The following SERTM1 variants were observed in gnomAD, a reference collection of about 807,000 sequenced individuals.
SERTM1 encodes the protein serine rich and transmembrane domain containing 1.
Under a neutral mutation model 5.5 loss-of-function variants are expected in SERTM1, and 1 was observed. That is an observed-to-expected ratio of 0.18 (90% CI 0.06 to 0.86). The LOEUF (loss-of-function observed/expected upper bound fraction) is 0.86. Among genes scored for constraint, SERTM1 ranks in the 40% least tolerant of loss-of-function variants. The probability of loss-of-function intolerance (pLI) is 0.69; values close to 1 mark genes in which losing one functional copy is unlikely to be tolerated. For missense variants in SERTM1, 91 were observed against 122.4 expected (o/e 0.74, Z 1.21); for synonymous variants, 52 against 55.1 (o/e 0.94, Z 0.25).
intron 1 of SERTM1, among the ~76,000 whole-genome samples, chr13:36,685,386 T>A (rs2056733993): frequency 6.6e-6 from 1 of 152,180 alleles, no homozygotes; most frequent in Non-Finnish European, 1.5e-5. Flanking sequence ...GGTAGATGAG[T>A]AATTTTGCAG....
At chr13:36,684,277 A>G (rs2056726023) in intron 1 of SERTM1, among the ~76,000 whole-genome samples, 1 of 151,666 alleles carries the variant, frequency 6.6e-6, no homozygotes, top group African/African-American at 2.4e-5. Context: ...AGCCTGGGCG[A>G]CAGAGCGAGA....
intron 1 of SERTM1, among the ~76,000 whole-genome samples, chr13:36,690,034 G>C (rs1939076400): frequency 6.6e-6 from 1 of 152,022 alleles, no homozygotes; most frequent in Non-Finnish European, 1.5e-5. Flanking sequence ...ATCCACCAAA[G>C]TACTATGGAA....
At chr13:36,675,916 C>T (rs948863509) in intron 1 of SERTM1, among the ~76,000 whole-genome samples, 8 of 152,132 alleles carry the variant, frequency 5.3e-5, no homozygotes, top group Non-Finnish European at 4.4e-5. Flanking sequence ...ATTTTTGATT[C>T]CTCTATATAA....
intron 1 of SERTM1, 31 bp from the exon 2 acceptor site, chr13:36,694,875 A>T: frequency 1.9e-6 from 1 of 538,042 alleles, no homozygotes; most frequent in East Asian, 3.0e-5. Context: ...GATTTTTCTG[A>T]AGAATGCACT....
intron 1 of SERTM1, among the ~76,000 whole-genome samples, chr13:36,676,728 T>C (rs1478523658): frequency 6.6e-6 from 1 of 152,064 alleles, no homozygotes. Flanking sequence ...GAGGCTATTA[T>C]ATTATATTAG....
intron 1 of SERTM1, among the ~76,000 whole-genome samples, chr13:36,688,320 G>C (rs1273906134): frequency 2.0e-5 from 3 of 151,758 alleles, no homozygotes; most frequent in Non-Finnish European, 2.9e-5. Context: ...CTCAAGCAAT[G>C]CTCCCACCTC....
rs762940797 is a variant in SERTM1 at position 36,677,596 on chromosome 13, A to G, written c.-174+3412A>G. On this transcript the variant is annotated intron_variant, in intron 1 of 1. Coordinates refer to ENST00000315190, the MANE Select transcript of SERTM1 (RefSeq NM_203451.3). ...ATGGGAAGCAGAAGGATAGGTGGCT[A>G]TAAGAATCAGTTTCAAATTAAGAGA... Among the ~76,000 whole-genome samples, 5 of 152,238 alleles carry G rather than the reference A, an allele frequency of 3.3e-5. No homozygotes were observed. In the South Asian group the frequency reaches 6.2e-4, roughly 19 times the overall value.
In SERTM1 at chr13:36,687,723, T is replaced by A. The variant is rs546717156; in HGVS notation, c.-173-7183T>A. Reference sequence around the variant, plus strand: ...GAGTGAATAAAATATTTACTGCACATCCATTCTTATAAATTAAAAATACAC... The same window carrying A: ...GAGTGAATAAAATATTTACTGCACAACCATTCTTATAAATTAAAAATACAC... On this transcript the variant is annotated intron_variant, in intron 1 of 1. Transcript: ENST00000315190. Among the ~76,000 whole-genome samples the A allele has an allele frequency of 1.3e-3, 191 of 152,052 alleles. 1 individual carries two copies. The highest frequency in any genetic ancestry group is 1.6e-3 in the Non-Finnish European group (106 of 67,992).
chr13:36,687,564 T>TAA (rs1312664957), intron 1 of SERTM1, among the ~76,000 whole-genome samples: 1 of 152,210 alleles, frequency 6.6e-6, no homozygotes, highest in Non-Finnish European at 1.5e-5. Flanking sequence ...ATGGTTGTTA[T>TAA]TCCTTGTTGT....
chr13:36,683,276 A>G (rs115812446), intron 1 of SERTM1, among the ~76,000 whole-genome samples: 2 of 152,134 alleles, frequency 1.3e-5, no homozygotes, highest in Non-Finnish European at 2.9e-5. Context: ...TAAACCTAAC[A>G]CTTCTATGAA....
intron 1 of SERTM1, among the ~76,000 whole-genome samples, chr13:36,687,173 CAA>C (rs2056746683): frequency 1.3e-5 from 2 of 152,186 alleles, no homozygotes; most frequent in Non-Finnish European, 2.9e-5. Flanking sequence ...TTATGAGAAA[CAA>C]TGGTTCATTA....
intron 1 of SERTM1, among the ~76,000 whole-genome samples, chr13:36,684,110 C>T (rs2056724580): frequency 6.6e-6 from 1 of 152,088 alleles, no homozygotes; most frequent in African/African-American, 2.4e-5. Context: ...CCACCCTGGG[C>T]AACATGGTGA....
chr13:36,675,763 G>A (rs1352500017), intron 1 of SERTM1, among the ~76,000 whole-genome samples: 1 of 152,266 alleles, frequency 6.6e-6, no homozygotes, highest in East Asian at 1.9e-4. Flanking sequence ...GCCTCCCTCA[G>A]CCCATGCCCT....
chr13:36,676,410 G>T (rs1192533277), intron 1 of SERTM1, among the ~76,000 whole-genome samples: 1 of 151,398 alleles, frequency 6.6e-6, no homozygotes, highest in African/African-American at 2.4e-5. Flanking sequence ...TTTTTGGGGG[G>T]TCCTTTTTTT....
chr13:36,680,844 C>G (rs949668956), intron 1 of SERTM1, among the ~76,000 whole-genome samples: 5 of 152,100 alleles, frequency 3.3e-5, no homozygotes, highest in African/African-American at 9.7e-5. Context: ...CCTCCGCCTC[C>G]CGGTTCAAGC....
At chr13:36,693,378 G>T (rs557193548) in intron 1 of SERTM1, among the ~76,000 whole-genome samples, 25 of 150,480 alleles carry the variant, frequency 1.7e-4, no homozygotes, top group African/African-American at 6.1e-4. Context: ...GTCCCACTGC[G>T]ATTCTTCTTC....
intron 1 of SERTM1, among the ~76,000 whole-genome samples, chr13:36,682,703 A>C (rs186855744): frequency 1.1e-4 from 17 of 152,320 alleles, no homozygotes; most frequent in Non-Finnish European, 2.2e-4. Context: ...GCCTGTGGCC[A>C]GATCATAAGG....
chr13:36,683,197 CAG>C (rs2056717230), intron 1 of SERTM1, among the ~76,000 whole-genome samples: 1 of 152,318 alleles, frequency 6.6e-6, no homozygotes, highest in South Asian at 2.1e-4. Context: ...TATACAGTAG[CAG>C]CTCATCATAT....
chr13:36,694,061 T>C (rs2056797178), intron 1 of SERTM1, among the ~76,000 whole-genome samples: 1 of 152,172 alleles, frequency 6.6e-6, no homozygotes, highest in East Asian at 1.9e-4. Flanking sequence ...TCTCCAATGC[T>C]TTACAGTTCA....
Sources: gnomAD v4.1 joint callset for allele counts (sites outside exome capture counted in the v4.1 genomes callset) on GRCh38, gnomAD v4.1.1 for gene constraint, MANE v1.5 for transcripts, NCBI Gene and HGNC (gene_info 2026-07-23, HGNC 2026-07-21) for gene names.